ADARB2: variants seen among roughly 807,000 people sequenced by gnomAD.
ADARB2 encodes the protein inactive double-stranded RNA-specific editase B2.
Under a neutral mutation model 62.2 loss-of-function variants are expected in ADARB2, and 25 were observed. The ratio of observed to expected loss-of-function variants is 0.40; its 90% confidence interval spans 0.29 to 0.56. ADARB2 has a LOEUF of 0.56. Ranked by LOEUF, ADARB2 falls within the 20% of genes least tolerant of loss-of-function variation. The pLI is 0.43. For missense variants in ADARB2, 1,071 were observed against 1,077.4 expected (o/e 0.99, Z 0.08); for synonymous variants, 572 against 500.8 (o/e 1.14, Z -1.90).
chr10:1,373,546 C>CGT (rs748032660), intron 2 of ADARB2, among the ~76,000 whole-genome samples: 3 of 151,994 alleles, frequency 2.0e-5, no homozygotes, highest in East Asian at 3.9e-4. Context: ...TGTGTGCATG[C>CGT]GTGTGTGTGT....
intron 1 of ADARB2, among the ~76,000 whole-genome samples, chr10:1,725,629 C>T (rs1044270932): frequency 3.9e-5 from 6 of 152,240 alleles, no homozygotes; most frequent in African/African-American, 1.4e-4. Flanking sequence ...CCACCCGGGG[C>T]AACACCCGAG....
chr10:1,619,772 G>A (rs1833686069), intron 1 of ADARB2, among the ~76,000 whole-genome samples: 2 of 151,872 alleles, frequency 1.3e-5, no homozygotes, highest in Admixed American at 1.3e-4. Context: ...TTAAGGACAA[G>A]AAACATTTTA....
intron 1 of ADARB2, among the ~76,000 whole-genome samples, chr10:1,591,545 G>C (rs961747213): frequency 1.3e-5 from 2 of 152,084 alleles, no homozygotes; most frequent in African/African-American, 4.8e-5. Flanking sequence ...ACTGCTCCCT[G>C]TCTTCAGTGT....
rs114349892 is a variant in ADARB2 at position 1,563,225 on chromosome 10, C to T, written c.100+173826G>A. On this transcript the variant is annotated intron_variant, in intron 1 of 9. Coordinates refer to ENST00000381312, the MANE Select transcript of ADARB2 (RefSeq NM_018702.4). ...AAGGTGCTGACCTCTGTCCCTGCGA[C>T]TCCCCAGGTGACCTCCCGCTCCCTT... 2.7e-3 allele frequency among the ~76,000 whole-genome samples: 406 copies of T among 152,198 alleles called. 2 individuals carry two copies. The highest frequency in any genetic ancestry group is 9.3e-3 in the African/African-American group (386 of 41,518).
intron 4 of ADARB2, among the ~76,000 whole-genome samples, chr10:1,257,226 T>C (rs1325888060): frequency 6.6e-6 from 1 of 152,210 alleles, no homozygotes; most frequent in African/African-American, 2.4e-5. Context: ...GCACCCATTC[T>C]TGGGTAATGA....
chr10:1,698,655 G>T (rs556347553), intron 1 of ADARB2, among the ~76,000 whole-genome samples: 2 of 152,182 alleles, frequency 1.3e-5, no homozygotes, highest in African/African-American at 2.4e-5. Context: ...TGTGTGTTGT[G>T]TAAAAGGGTA....
chr10:1,711,303 G>A (rs116107591), intron 1 of ADARB2, among the ~76,000 whole-genome samples: 7 of 152,214 alleles, frequency 4.6e-5, no homozygotes, highest in African/African-American at 1.7e-4. Flanking sequence ...CTGTGAGAAC[G>A]AACTCAAGGT....
intron 1 of ADARB2, among the ~76,000 whole-genome samples, chr10:1,518,864 T>C (rs1021764358): frequency 1.3e-5 from 2 of 151,828 alleles, no homozygotes; most frequent in Non-Finnish European, 1.5e-5. Context: ...GGTGTGGTCA[T>C]ACACATGCAT....
intron 1 of ADARB2, among the ~76,000 whole-genome samples, chr10:1,610,583 G>A (rs1403586000): frequency 2.6e-5 from 4 of 152,350 alleles, no homozygotes; most frequent in African/African-American, 7.2e-5. Flanking sequence ...ACCAGCTGCT[G>A]AGCCGGGAAT....
At chr10:1,303,009 C>T (rs1467927021) in intron 3 of ADARB2, among the ~76,000 whole-genome samples, 29 of 152,190 alleles carry the variant, frequency 1.9e-4, no homozygotes, top group African/African-American at 5.1e-4. Flanking sequence ...TCACCAGCAA[C>T]GGAACAAAGC....
At chr10:1,286,991 C>G (rs144273621) in intron 3 of ADARB2, among the ~76,000 whole-genome samples, 1 of 152,332 alleles carries the variant, frequency 6.6e-6, no homozygotes, top group East Asian at 1.9e-4. Flanking sequence ...GTGCCTCATC[C>G]TTCAAATTAA....
chr10:1,419,539 A>C (rs1832835458), intron 1 of ADARB2, among the ~76,000 whole-genome samples: 1 of 152,196 alleles, frequency 6.6e-6, no homozygotes, highest in Non-Finnish European at 1.5e-5. Context: ...GGGCCACTTT[A>C]TGGAGGGCAC....
At chr10:1,490,881 A>T (rs1831613393) in intron 1 of ADARB2, among the ~76,000 whole-genome samples, 2 of 152,186 alleles carry the variant, frequency 1.3e-5, no homozygotes, top group Admixed American at 1.3e-4. Context: ...CTCATGAACT[A>T]CATACGTCAG....
chr10:1,540,515 ACCCC>A (rs1242182537), intron 1 of ADARB2, among the ~76,000 whole-genome samples: 1 of 113,470 alleles, frequency 8.8e-6, no homozygotes, highest in African/African-American at 3.4e-5. Flanking sequence ...AGCCGCCCAG[ACCCC>A]ACTCAGACGT....
chr10:1,614,256 A>AT (rs1833603967), intron 1 of ADARB2, among the ~76,000 whole-genome samples: 1 of 152,256 alleles, frequency 6.6e-6, no homozygotes, highest in Non-Finnish European at 1.5e-5. Context: ...CATTAACAGA[A>AT]CATCAATGTT....
intron 7 of ADARB2, among the ~76,000 whole-genome samples, chr10:1,214,976 T>C (rs1208969638): frequency 6.6e-6 from 1 of 152,096 alleles, no homozygotes; most frequent in East Asian, 1.9e-4. Context: ...GGTGGAACCA[T>C]TGTTGTTAGG....
chr10:1,499,050 C>T (rs1356062140), intron 1 of ADARB2, among the ~76,000 whole-genome samples: 4 of 148,158 alleles, frequency 2.7e-5, no homozygotes, highest in South Asian at 4.4e-4. Context: ...ACTCATTACT[C>T]GTCATTCACT....
chr10:1,701,996 G>C (rs954396210), intron 1 of ADARB2, among the ~76,000 whole-genome samples: 1 of 152,212 alleles, frequency 6.6e-6, no homozygotes, highest in Non-Finnish European at 1.5e-5. Context: ...GAAAGACTGT[G>C]AAATTTAAAG....
intron 2 of ADARB2, among the ~76,000 whole-genome samples, chr10:1,375,786 A>G (rs1305604501): frequency 6.7e-6 from 1 of 148,678 alleles, no homozygotes; most frequent in Non-Finnish European, 1.5e-5. Flanking sequence ...GTGCACACAC[A>G]TGCACACACG....
Sources: gnomAD v4.1 joint callset for allele counts (sites outside exome capture counted in the v4.1 genomes callset) on GRCh38, gnomAD v4.1.1 for gene constraint, MANE v1.5 for transcripts, NCBI Gene and HGNC (gene_info 2026-07-23, HGNC 2026-07-21) for gene names.